YAP1: variants seen among roughly 807,000 people sequenced by gnomAD.
The protein encoded by YAP1 is transcriptional coactivator YAP1.
In YAP1, 5 loss-of-function variants were observed where a neutral mutation model predicts 56.9. That is an observed-to-expected ratio of 0.09 (90% CI 0.05 to 0.18). YAP1 has a LOEUF of 0.18. YAP1 is among the 10% of genes least tolerant of loss of function. The pLI, the probability that YAP1 is intolerant of heterozygous loss-of-function variation, is 1.00. For synonymous variants in YAP1, 265 were observed against 248.1 expected, an observed-to-expected ratio of 1.07 and a Z score of -0.64; for missense variants, 539 against 651.8, an observed-to-expected ratio of 0.83 and a Z score of 1.88.
intron 4 of YAP1, among the ~76,000 whole-genome samples, chr11:102,192,937 G>A (rs1321338818): frequency 6.6e-6 from 1 of 152,196 alleles, no homozygotes; most frequent in South Asian, 2.1e-4. Flanking sequence ...GGGGGTGTGG[G>A]AAGTGCTGGG....
chr11:102,184,895 T>A (rs995367127), intron 3 of YAP1, among the ~76,000 whole-genome samples: 1 of 152,218 alleles, frequency 6.6e-6, no homozygotes, highest in African/African-American at 2.4e-5. Context: ...AGCTTTGGGA[T>A]CTTGTACCAG....
At chr11:102,210,302 T>G (rs1238904164) in intron 6 of YAP1, among the ~76,000 whole-genome samples, 1 of 152,216 alleles carries the variant, frequency 6.6e-6, no homozygotes, top group African/African-American at 2.4e-5. Context: ...CTACTTCTCT[T>G]GGGGCAGAAG....
intron 6 of YAP1, among the ~76,000 whole-genome samples, chr11:102,215,801 G>A (rs546385713): frequency 1.3e-5 from 2 of 152,132 alleles, no homozygotes; most frequent in Non-Finnish European, 2.9e-5. Flanking sequence ...TATATGCAAC[G>A]AACATAGTAT....
intron 8 of YAP1, among the ~76,000 whole-genome samples, chr11:102,229,093 T>C (rs1483026224): frequency 6.6e-6 from 1 of 152,216 alleles, no homozygotes; most frequent in African/African-American, 2.4e-5. Flanking sequence ...CTATTGAAGC[T>C]CTGAGGAGTG....
intron 2 of YAP1, among the ~76,000 whole-genome samples, chr11:102,135,519 C>T (rs1421757482): frequency 2.6e-5 from 4 of 152,170 alleles, no homozygotes; most frequent in Admixed American, 6.5e-5. Context: ...AGTGTGTGTA[C>T]ATGGCCTTTC....
chr11:102,182,053 C>T (rs915817042), intron 3 of YAP1, among the ~76,000 whole-genome samples: 6 of 152,080 alleles, frequency 3.9e-5, no homozygotes, highest in African/African-American at 1.4e-4. Flanking sequence ...AACTCCTGAC[C>T]TCGTGATCCC....
intron 4 of YAP1, among the ~76,000 whole-genome samples, chr11:102,187,820 C>T (rs984070820): frequency 6.6e-6 from 1 of 152,204 alleles, no homozygotes; most frequent in Non-Finnish European, 1.5e-5. Context: ...CACCCTCCAG[C>T]ACGTTATGTA....
chr11:102,221,424 A>G (rs1232366467), intron 6 of YAP1, among the ~76,000 whole-genome samples: 1 of 152,172 alleles, frequency 6.6e-6, no homozygotes, highest in African/African-American at 2.4e-5. Context: ...TTTTTAATGT[A>G]TAAATAACAA....
intron 4 of YAP1, among the ~76,000 whole-genome samples, chr11:102,200,456 T>G (rs1948792294): frequency 6.6e-6 from 1 of 151,244 alleles, no homozygotes; most frequent in Admixed American, 6.6e-5. Context: ...TTTTTTTTTT[T>G]TTTTTAGACA....
At chr11:102,210,866 C>G (rs1949372296) in intron 6 of YAP1, among the ~76,000 whole-genome samples, 1 of 152,180 alleles carries the variant, frequency 6.6e-6, no homozygotes, top group Admixed American at 6.5e-5. Flanking sequence ...CATTCTCCTG[C>G]CTCAGCCTCC....
intron 2 of YAP1, among the ~76,000 whole-genome samples, chr11:102,147,525 C>T (rs1027776895): frequency 6.6e-6 from 1 of 152,112 alleles, no homozygotes; most frequent in Non-Finnish European, 1.5e-5. Context: ...ATGCTTAAGG[C>T]AGGTGCGCAT....
At chr11:102,161,566 G>A (rs537377114) in intron 2 of YAP1, among the ~76,000 whole-genome samples, 1 of 152,066 alleles carries the variant, frequency 6.6e-6, no homozygotes, top group East Asian at 1.9e-4. Context: ...GCTTTCAAAT[G>A]CTTGCTGTAA....
At chr11:102,152,811 G>A (rs1432079364) in intron 2 of YAP1, among the ~76,000 whole-genome samples, 2 of 152,166 alleles carry the variant, frequency 1.3e-5, no homozygotes, top group South Asian at 4.1e-4. Flanking sequence ...GTAATTAAAG[G>A]GAAACTTAAC....
At chr11:102,140,816 G>C (rs7117239) in intron 2 of YAP1, among the ~76,000 whole-genome samples, 70,953 of 151,578 alleles carry the variant, frequency 0.47, 17,658 homozygotes, top group African/African-American at 0.63. Flanking sequence ...TCACTCCAGC[G>C]TGGGCAATAG....
chr11:102,112,485 T>C (rs1943012981), intron 1 of YAP1: 1 of 984,018 alleles, frequency 1.0e-6, no homozygotes, highest in African/African-American at 1.8e-5. Flanking sequence ...ATAGGAACTT[T>C]GCCCAAAAGT....
At chr11:102,125,838 T>G (rs932192328) in intron 2 of YAP1, among the ~76,000 whole-genome samples, 93 of 152,288 alleles carry the variant, frequency 6.1e-4, no homozygotes, top group African/African-American at 2.1e-3. Flanking sequence ...CTTCATTGTC[T>G]AGGTAGGCTT....
chr11:102,219,655 A>G (rs1425677919), intron 6 of YAP1, among the ~76,000 whole-genome samples: 1 of 152,120 alleles, frequency 6.6e-6, no homozygotes, highest in South Asian at 2.1e-4. Flanking sequence ...AGTTAAAAAG[A>G]TGATGAGTAT....
At position 102,175,736 on chromosome 11, in the gene YAP1, G is replaced by T. The variant is rs887104361; in HGVS notation, c.689-10282G>T. Reference sequence around the variant, plus strand: ...GTAGGCAGTTGTAACACAATGGTAAGTATATGTGTATCTAAATATATCTAA... The same window carrying T: ...GTAGGCAGTTGTAACACAATGGTAATTATATGTGTATCTAAATATATCTAA... On this transcript the variant is annotated intron_variant, in intron 3 of 8. Coordinates refer to ENST00000282441, the MANE Select transcript of YAP1 (RefSeq NM_001130145.3). Among the ~76,000 whole-genome samples the T allele has an allele frequency of 2.6e-5, 4 of 152,198 alleles. No homozygotes were observed. The South Asian group carries it at 8.3e-4, about 32-fold the overall frequency.
rs1945573 is a variant in YAP1 at position 102,178,341 on chromosome 11, T to C, written c.689-7677T>C. On this transcript the variant is annotated intron_variant, in intron 3 of 8. Coordinates refer to ENST00000282441, the MANE Select transcript of YAP1 (RefSeq NM_001130145.3). Reference sequence around the variant, plus strand: ...ACTCATCAGGGTGTGTTTAGTAAACTTCAGTGTCCTAGGTGACTTCTTTAT... The same window carrying C: ...ACTCATCAGGGTGTGTTTAGTAAACCTCAGTGTCCTAGGTGACTTCTTTAT... Among the ~76,000 whole-genome samples, 1,466 of 152,324 alleles carry C rather than the reference T, an allele frequency of 9.6e-3. 26 individuals carry two copies. Among genetic ancestry groups the C allele is most frequent in the South Asian group, 0.037 (180 of 4,828 alleles).
Sources: gnomAD v4.1 joint callset for allele counts (sites outside exome capture counted in the v4.1 genomes callset) on GRCh38, gnomAD v4.1.1 for gene constraint, MANE v1.5 for transcripts, NCBI Gene and HGNC (gene_info 2026-07-23, HGNC 2026-07-21) for gene names.